Variants in G3BP2 observed in about 807,000 individuals in gnomAD.
G3BP2 encodes ras GTPase-activating protein-binding protein 2.
In G3BP2, 11 loss-of-function variants were observed where a neutral mutation model predicts 56.7. The ratio of observed to expected loss-of-function variants is 0.19; its 90% CI spans 0.12 to 0.32. The LOEUF is 0.32. Ranked by LOEUF, G3BP2 falls within the 10% of genes least tolerant of loss-of-function variation. The probability of loss-of-function intolerance (pLI) is 1.00; values close to 1 mark genes in which losing one functional copy is unlikely to be tolerated. For synonymous variants in G3BP2, 165 were observed against 191.6 expected, an observed-to-expected ratio of 0.86 and a Z score of 1.15; for missense variants, 340 against 610.9, an observed-to-expected ratio of 0.56 and a Z score of 4.67.
At chr4:75,663,497 A>C (rs1460834380) in intron 1 of G3BP2, among the ~76,000 whole-genome samples, 1 of 152,142 alleles carries the variant, frequency 6.6e-6, no homozygotes, top group African/African-American at 2.4e-5. Context: ...ACTGGTCTCG[A>C]ACTCCTGGCC....
intron 3 of G3BP2, among the ~76,000 whole-genome samples, chr4:75,679,819 G>T (rs1338962265): frequency 1.3e-5 from 2 of 152,160 alleles, no homozygotes; most frequent in Non-Finnish European, 2.9e-5. Flanking sequence ...AAGCCATGAT[G>T]CCAGCTAAAA....
At chr4:75,676,591 C>T (rs181929258), upstream of G3BP2, among the ~76,000 whole-genome samples, 1 of 152,300 alleles carries the variant, frequency 6.6e-6, no homozygotes, top group African/African-American at 2.4e-5. Flanking sequence ...GATCCACCCA[C>T]TTCGCCGAAT....
chr4:75,667,276 T>G (rs1578406821), intron 1 of G3BP2, among the ~76,000 whole-genome samples: 1 of 122,822 alleles, frequency 8.1e-6, no homozygotes, highest in Non-Finnish European at 1.7e-5. Flanking sequence ...GTAACAGGAG[T>G]GAGACACTGT....
At chr4:75,684,560 A>C (rs1468654981) in intron 3 of G3BP2, among the ~76,000 whole-genome samples, 1 of 152,142 alleles carries the variant, frequency 6.6e-6, no homozygotes, top group Non-Finnish European at 1.5e-5. Flanking sequence ...GAGTCTGGCT[A>C]TGTTGCCCAG....
chr4:75,674,724 T>G (rs1237098447), upstream of G3BP2, among the ~76,000 whole-genome samples: 1,092 of 71,398 alleles, frequency 0.015, 32 homozygotes, highest in African/African-American at 0.046. Flanking sequence ...ATATATTTTT[T>G]TTTTTTTTTT....
At chr4:75,702,884 G>C (rs950881912) in intron 3 of G3BP2, among the ~76,000 whole-genome samples, 3 of 152,208 alleles carry the variant, frequency 2.0e-5, no homozygotes, top group African/African-American at 7.2e-5. Context: ...AAAAGGATAA[G>C]AAGGAGCCCA....
intron 3 of G3BP2, among the ~76,000 whole-genome samples, chr4:75,717,580 G>C (rs920895143): frequency 2.0e-5 from 3 of 152,166 alleles, no homozygotes; most frequent in Non-Finnish European, 2.9e-5. Context: ...AGCTTGCTGG[G>C]AAGTTGGCAA....
chr4:75,643,264 T>C lies in G3BP2; in HGVS notation c.*2166A>G, dbSNP rs560117651. ...ACTTTTGGTGCCAGAACAGTTTTCATGGATGGCAGGGCAATATCCTGAATT... is the reference window on the plus strand; with the variant it reads ...ACTTTTGGTGCCAGAACAGTTTTCACGGATGGCAGGGCAATATCCTGAATT... On this transcript the variant is annotated 3_prime_UTR_variant, in exon 12 of 12. Transcript: ENST00000359707. The C allele has an allele frequency of 6.2e-5, 9 of 145,000 alleles. No homozygotes were observed. In the East Asian group the frequency reaches 1.4e-3, roughly 22 times the overall value. 9.0% of individuals were successfully genotyped at this position (145,000 alleles called of 1,614,324 possible).
chr4:75,646,552 C>A, intron 10 of G3BP2, 96 bp from the exon 11 acceptor site: 1 of 792,908 alleles, frequency 1.3e-6, no homozygotes, highest in East Asian at 2.5e-5. Flanking sequence ...TCTCCCCGAT[C>A]CATTTTAAAA....
chr4:75,707,479 G>A lies in G3BP2; in HGVS notation c.-25+13398C>T, dbSNP rs551353615. ...AAAAAATTAGCCGGGCATGGTGGCG[G>A]GAGCCTGTAGTCCCAGCTACTCGGA... is the stretch of plus-strand genomic sequence containing the variant. On this transcript the variant is annotated intron_variant, in intron 3 of 3. Transcript: ENST00000499709. 2.0e-5 allele frequency among the ~76,000 whole-genome samples: 3 copies of A among 151,980 alleles called. No homozygotes were observed. The East Asian group carries it at 5.8e-4, about 29-fold the overall frequency.
intron 3 of G3BP2, among the ~76,000 whole-genome samples, chr4:75,708,841 T>C (rs1470599161): frequency 6.6e-6 from 1 of 152,184 alleles, no homozygotes; most frequent in Non-Finnish European, 1.5e-5. Context: ...CCAGGCACAG[T>C]GGCTCATGCC....
chr4:75,673,711 C>G (rs1733713891), upstream of G3BP2: 2 of 944,106 alleles, frequency 2.1e-6, no homozygotes, highest in East Asian at 3.3e-5. Flanking sequence ...CCTGATCGCG[C>G]AAGCGAGAGC....
intron 3 of G3BP2, among the ~76,000 whole-genome samples, chr4:75,689,969 C>A (rs1379155554): frequency 2.0e-5 from 3 of 152,140 alleles, no homozygotes; most frequent in Non-Finnish European, 4.4e-5. Flanking sequence ...GGTTTGGTAT[C>A]CTGATCTGTG....
chr4:75,674,095 C>T (rs1250615198), upstream of G3BP2: 1 of 152,160 alleles, frequency 6.6e-6, no homozygotes, highest in Non-Finnish European at 1.5e-5. Context: ...GGATTACAGT[C>T]CTGTTCTAGC....
chr4:75,652,147 T>C (rs1261352106), intron 8 of G3BP2, among the ~76,000 whole-genome samples: 3 of 152,208 alleles, frequency 2.0e-5, no homozygotes, highest in African/African-American at 4.8e-5. Context: ...GCATAGGAAA[T>C]ACAACTTCAT....
chr4:75,657,548 GA>G lies in G3BP2; in HGVS notation c.351+8del, dbSNP rs1383800505. ...TATAAATGAAAACTAAGTGAATTGA[GA>G]AACTTACTTCAGGAGCCAGAACAAA... On this transcript the variant is annotated splice_region_variant and intron_variant, in intron 4 of 11. Transcript: ENST00000359707. 1.3e-6 allele frequency: 2 copies of G among 1,591,710 alleles called. No homozygotes were observed. The highest frequency in any genetic ancestry group is 1.7e-6 in the Non-Finnish European group (2 of 1,169,820).
intron 3 of G3BP2, among the ~76,000 whole-genome samples, chr4:75,697,636 TA>T (rs1393279386): frequency 6.6e-5 from 10 of 152,102 alleles, no homozygotes; most frequent in Admixed American, 3.9e-4. Context: ...GGGTAATTCA[TA>T]AAAGAAGAAA....
At chr4:75,693,363 G>A (rs911872246) in intron 3 of G3BP2, among the ~76,000 whole-genome samples, 4 of 152,194 alleles carry the variant, frequency 2.6e-5, no homozygotes, top group African/African-American at 9.7e-5. Flanking sequence ...AACCAATGAG[G>A]ACATCAGTAG....
chr4:75,679,239 T>G lies in G3BP2; in HGVS notation c.-24-17190A>C, dbSNP rs1449973509. 4.6e-5 allele frequency among the ~76,000 whole-genome samples: 7 copies of G among 152,224 alleles called. No individual in the cohort carries two copies. The South Asian group carries it at 1.2e-3, about 27-fold the overall frequency. ...ATGTTACTTGAGAATCCCAGGGCTC[T>G]CTCTTGGTGCAACTGGATCCTTTAC... is the stretch of plus-strand genomic sequence containing the variant. On this transcript the variant is annotated intron_variant, in intron 3 of 3. Transcript: ENST00000499709.
Sources: allele counts gnomAD v4.1 joint callset (sites outside exome capture counted in the v4.1 genomes callset), GRCh38; gene constraint gnomAD v4.1.1; transcripts MANE v1.5; gene names NCBI Gene and HGNC (gene_info 2026-07-23, HGNC 2026-07-21).